Variants in MAP4 observed in about 807,000 individuals in gnomAD.
MAP4 encodes microtubule-associated protein 4.
In MAP4, 76 loss-of-function variants were observed where a neutral mutation model predicts 170.2. The ratio of observed to expected loss-of-function variants is 0.45; its 90% CI spans 0.37 to 0.54. The LOEUF is 0.54. Ranked by LOEUF, MAP4 falls within the 20% of genes least tolerant of loss-of-function variation. The pLI, the probability that MAP4 is intolerant of heterozygous loss-of-function variation, is 0.00. For missense variants in MAP4, 2,506 were observed against 2,748.0 expected (o/e 0.91, Z 1.97); for synonymous variants, 909 against 994.5 (o/e 0.91, Z 1.62).
chr3:48,038,461 T>TA (rs1333023848), intron 1 of MAP4, among the ~76,000 whole-genome samples: 9 of 143,738 alleles, frequency 6.3e-5, no homozygotes, highest in African/African-American at 2.3e-4. Flanking sequence ...CACTGAAACT[T>TA]TTTTTTTTTT....
intron 17 of MAP4, among the ~76,000 whole-genome samples, chr3:47,858,703 G>A (rs546692746): frequency 1.3e-5 from 2 of 151,428 alleles, no homozygotes; most frequent in South Asian, 2.1e-4. Context: ...AGGTGCAGTG[G>A]GTCATGCCTG....
chr3:47,988,051 G>A (rs569191757), intron 2 of MAP4, among the ~76,000 whole-genome samples: 3 of 152,082 alleles, frequency 2.0e-5, no homozygotes, highest in African/African-American at 4.8e-5. Context: ...AAAATTAGCC[G>A]GGCGTGGCGG....
chr3:47,917,602 A>AG (rs534876091), intron 6 of MAP4, among the ~76,000 whole-genome samples: 54 of 151,706 alleles, frequency 3.6e-4, no homozygotes, highest in Non-Finnish European at 6.9e-4. Context: ...AAAAAAAAAA[A>AG]AAGAAGAAGA....
rs377687388 is a variant in MAP4, at chr3:47,907,337, T to C, written c.5383+1701A>G. 6.6e-5 allele frequency among the ~76,000 whole-genome samples: 10 copies of C among 152,324 alleles called. No individual in the cohort carries two copies. The East Asian group carries it at 1.7e-3, about 26-fold the overall frequency. On this transcript the variant is annotated intron_variant, in intron 9 of 20. Coordinates refer to ENST00000683076, the MANE Select transcript of MAP4 (RefSeq NM_001385682.1). ...AGAGGGAAAGCTGGAAGGCGGTTAA[T>C]GGAGGGAGGCCAACTTACGTTTTAC...
chr3:47,986,221 CTCCT>C (rs772751304), intron 2 of MAP4, among the ~76,000 whole-genome samples: 6 of 152,084 alleles, frequency 3.9e-5, no homozygotes, highest in Non-Finnish European at 5.9e-5. Flanking sequence ...TTAAGCAATC[CTCCT>C]TCCTATTAAG....
At chr3:47,964,146 C>CT (rs1226473849) in intron 3 of MAP4, among the ~76,000 whole-genome samples, 1 of 152,184 alleles carries the variant, frequency 6.6e-6, no homozygotes, top group Non-Finnish European at 1.5e-5. Flanking sequence ...TTGGCTTTTA[C>CT]TTTGAGATGG....
intron 10 of MAP4, among the ~76,000 whole-genome samples, chr3:47,883,081 G>A (rs1031928945): frequency 6.6e-6 from 1 of 152,100 alleles, no homozygotes; most frequent in Non-Finnish European, 1.5e-5. Flanking sequence ...AAAGTGGTGG[G>A]ATTACAGGTG....
At chr3:48,072,869 G>A (rs972179997) in intron 1 of MAP4, among the ~76,000 whole-genome samples, 1 of 152,212 alleles carries the variant, frequency 6.6e-6, no homozygotes, top group African/African-American at 2.4e-5. Context: ...TTTGCCAGTA[G>A]AGAAAGAGAA....
intron 10 of MAP4, among the ~76,000 whole-genome samples, chr3:47,889,083 C>T (rs749239399): frequency 3.3e-5 from 5 of 152,204 alleles, no homozygotes; most frequent in Non-Finnish European, 7.3e-5. Flanking sequence ...CTATTCTGTC[C>T]TGGGCAGAGT....
chr3:47,947,349 C>T (rs540907896), intron 3 of MAP4, among the ~76,000 whole-genome samples: 3 of 152,272 alleles, frequency 2.0e-5, no homozygotes, highest in South Asian at 2.1e-4. Context: ...CAATCTCCTA[C>T]CCCAAGGCAG....
At chr3:47,915,070 G>T in intron 7 of MAP4, 131 bp from the exon 8 acceptor site, 1 of 1,071,096 alleles carries the variant, frequency 9.3e-7, no homozygotes. Flanking sequence ...GGAGTGAAGT[G>T]GTAGTTGGAA....
At chr3:47,977,637 C>T (rs1265567977) in intron 3 of MAP4, among the ~76,000 whole-genome samples, 1 of 152,184 alleles carries the variant, frequency 6.6e-6, no homozygotes, top group Non-Finnish European at 1.5e-5. Context: ...TTGTGTGGTA[C>T]AGCTCCAATA....
intron 6 of MAP4, 41 bp from the exon 7 acceptor site, chr3:47,917,215 C>T (rs759146500): frequency 6.5e-7 from 1 of 1,535,346 alleles, no homozygotes; most frequent in Non-Finnish European, 8.9e-7. Flanking sequence ...CTACTCATAC[C>T]TTTGCATTAA....
At position 48,013,526 on chromosome 3, in the gene MAP4, T is replaced by C. The variant is rs2100106381; in HGVS notation, c.-20+2808A>G. The C allele has an allele frequency of 2.0e-5, 3 of 152,052 alleles. No homozygotes were observed. The East Asian group carries it at 5.8e-4, about 29-fold the overall frequency. 9.4% of individuals were successfully genotyped at this position (152,052 alleles called of 1,614,324 possible). A position where few individuals can be genotyped will look rare whatever the true frequency, so the allele number is the denominator to read the frequency against. On this transcript the variant is annotated intron_variant, in intron 1 of 20. Coordinates refer to ENST00000683076, the MANE Select transcript of MAP4 (RefSeq NM_001385682.1). ...GGGCTGAGTTCTCTAATCTGTAAAA[T>C]GAGAGTGTTATGTTAAATGTTTACT...
chr3:47,934,910 C>T lies in MAP4; in HGVS notation c.293-6560G>A, dbSNP rs185631258. 3.1e-3 allele frequency among the ~76,000 whole-genome samples: 478 copies of T among 152,336 alleles called. 1 individual carries two copies. The highest frequency in any genetic ancestry group is 5.2e-3 in the Non-Finnish European group (353 of 68,030). ...GGTGAAATGTCCTGCTCTCATGGAA[C>T]TTAGATCACCACCATCACCACCCTA... On this transcript the variant is annotated intron_variant, in intron 3 of 20. Coordinates refer to ENST00000683076, the MANE Select transcript of MAP4 (RefSeq NM_001385682.1).
intron 3 of MAP4, among the ~76,000 whole-genome samples, chr3:47,936,381 G>A (rs2100052820): frequency 1.3e-5 from 2 of 151,658 alleles, no homozygotes; most frequent in Admixed American, 6.6e-5. Flanking sequence ...GCAGTGACCC[G>A]AGATCACATC....
intron 3 of MAP4, among the ~76,000 whole-genome samples, chr3:47,949,465 C>CAAAAAAAAAAAAAAAAAAAAAA: frequency 1.4e-5 from 1 of 70,890 alleles, no homozygotes. Context: ...GACTGCGTCC[C>CAAAAAAAAAAAAAAAAAAAAAA]AAAAAAAAAA....
chr3:48,025,902 A>AT (rs1230266896), intron 1 of MAP4, among the ~76,000 whole-genome samples: 1 of 125,466 alleles, frequency 8.0e-6, no homozygotes, highest in East Asian at 2.3e-4. Context: ...CTCTGCCTCA[A>AT]AAATAATAAT....
intron 10 of MAP4, among the ~76,000 whole-genome samples, chr3:47,880,402 C>T (rs1447495687): frequency 6.6e-6 from 1 of 151,234 alleles, no homozygotes; most frequent in Non-Finnish European, 1.5e-5. Context: ...GCCACCACAC[C>T]TGGCTGACAA....
Sources: gnomAD v4.1 joint callset for allele counts (sites outside exome capture counted in the v4.1 genomes callset) on GRCh38, gnomAD v4.1.1 for gene constraint, MANE v1.5 for transcripts, NCBI Gene and HGNC (gene_info 2026-07-23, HGNC 2026-07-21) for gene names.